The following EPHA6 variants were observed in gnomAD, a reference collection of about 807,000 sequenced individuals.
EPHA6 encodes the protein EPH receptor A6.
A neutral mutation model predicts 112.0 loss-of-function variants in EPHA6; 50 were observed. The ratio of observed to expected loss-of-function variants is 0.45; its 90% CI spans 0.36 to 0.56. The LOEUF (loss-of-function observed/expected upper bound fraction) is 0.56. EPHA6 is among the 20% of genes least tolerant of loss of function. The probability of loss-of-function intolerance (pLI) is 0.00; values close to 1 mark genes in which losing one functional copy is unlikely to be tolerated. For synonymous variants in EPHA6, 529 were observed against 490.7 expected, an observed-to-expected ratio of 1.08 and a Z score of -1.03; for missense variants, 1,280 against 1,417.4, an observed-to-expected ratio of 0.90 and a Z score of 1.56.
At chr3:97,161,470 T>G (rs973570529) in intron 3 of EPHA6, among the ~76,000 whole-genome samples, 1 of 152,204 alleles carries the variant, frequency 6.6e-6, no homozygotes, top group Non-Finnish European at 1.5e-5. Flanking sequence ...CACAGCAATC[T>G]GGATCTGTTG....
intron 3 of EPHA6, among the ~76,000 whole-genome samples, chr3:97,102,777 C>G (rs190976196): frequency 2.6e-5 from 4 of 152,124 alleles, no homozygotes; most frequent in African/African-American, 9.6e-5. Context: ...ACAACCTTGC[C>G]AGCATCTGTT....
chr3:97,686,942 G>T (rs1656595874), intron 14 of EPHA6, among the ~76,000 whole-genome samples: 1 of 152,132 alleles, frequency 6.6e-6, no homozygotes, highest in Non-Finnish European at 1.5e-5. Context: ...TTTGTGGGGG[G>T]AAATTCTTTC....
intron 5 of EPHA6, among the ~76,000 whole-genome samples, chr3:97,386,170 G>A (rs1231314424): frequency 6.6e-6 from 1 of 152,144 alleles, no homozygotes; most frequent in Non-Finnish European, 1.5e-5. Context: ...CCACCTATGA[G>A]CCTGAGAAAT....
At chr3:97,090,914 C>T (rs374265515) in intron 3 of EPHA6, among the ~76,000 whole-genome samples, 2 of 151,938 alleles carry the variant, frequency 1.3e-5, no homozygotes, top group African/African-American at 2.4e-5. Context: ...GAAAAATTTA[C>T]GAATATATGT....
intron 6 of EPHA6, among the ~76,000 whole-genome samples, chr3:97,418,906 G>A (rs540065278): frequency 2.4e-4 from 36 of 152,316 alleles, no homozygotes; most frequent in African/African-American, 8.2e-4. Flanking sequence ...ACATAGCATA[G>A]AGTGTGGCAT....
chr3:97,493,307 C>T (rs1257765849), intron 10 of EPHA6, among the ~76,000 whole-genome samples: 1 of 151,556 alleles, frequency 6.6e-6, no homozygotes, highest in Non-Finnish European at 1.5e-5. Context: ...AACAAAATAT[C>T]ACAGATTGGG....
intron 6 of EPHA6, among the ~76,000 whole-genome samples, chr3:97,441,824 AT>A (rs2090147683): frequency 6.6e-6 from 1 of 152,108 alleles, no homozygotes; most frequent in African/African-American, 2.4e-5. Flanking sequence ...TAATTCTAAA[AT>A]TTTTTTAAGT....
intron 13 of EPHA6, among the ~76,000 whole-genome samples, chr3:97,615,841 G>T (rs1217922869): frequency 6.6e-6 from 1 of 152,170 alleles, no homozygotes; most frequent in African/African-American, 2.4e-5. Flanking sequence ...GGTATGGAGA[G>T]CCCAGAAAGG....
intron 4 of EPHA6, among the ~76,000 whole-genome samples, chr3:97,229,906 T>A (rs2078473683): frequency 6.6e-6 from 1 of 152,264 alleles, no homozygotes; most frequent in Non-Finnish European, 1.5e-5. Flanking sequence ...GAACATATTT[T>A]AAATTTATAA....
intron 3 of EPHA6, among the ~76,000 whole-genome samples, chr3:97,085,686 A>G (rs1407279349): frequency 6.6e-6 from 1 of 152,016 alleles, no homozygotes; most frequent in African/African-American, 2.4e-5. Context: ...GTATGAGGTA[A>G]ATTTTGCTGC....
chr3:97,409,233 C>G (rs2087552838), intron 6 of EPHA6, among the ~76,000 whole-genome samples: 1 of 152,074 alleles, frequency 6.6e-6, no homozygotes, highest in Non-Finnish European at 1.5e-5. Flanking sequence ...AGAATGTAAG[C>G]TCTTGAGGGC....
chr3:97,587,111 C>T (rs2093497290), intron 11 of EPHA6, among the ~76,000 whole-genome samples: 1 of 151,986 alleles, frequency 6.6e-6, no homozygotes, highest in South Asian at 2.1e-4. Flanking sequence ...GACATGGCGG[C>T]GGGCACCTGT....
At chr3:96,892,841 G>T (rs2038043096) in intron 2 of EPHA6, among the ~76,000 whole-genome samples, 1 of 151,608 alleles carries the variant, frequency 6.6e-6, no homozygotes, top group African/African-American at 2.4e-5. Flanking sequence ...TTTCTTGTAG[G>T]TAAATAAGGA....
At chr3:97,209,014 A>G (rs1415470821) in intron 3 of EPHA6, among the ~76,000 whole-genome samples, 1 of 152,178 alleles carries the variant, frequency 6.6e-6, no homozygotes, top group Non-Finnish European at 1.5e-5. Flanking sequence ...CTGTTATTCT[A>G]TAATATTCTC....
chr3:97,111,199 T>C (rs1396093540), intron 3 of EPHA6, among the ~76,000 whole-genome samples: 2 of 152,142 alleles, frequency 1.3e-5, no homozygotes, highest in Non-Finnish European at 2.9e-5. Context: ...ACAACAACAG[T>C]AATTAACTTA....
intron 3 of EPHA6, among the ~76,000 whole-genome samples, chr3:97,085,149 A>T (rs1031252717): frequency 5.3e-5 from 8 of 152,178 alleles, no homozygotes; most frequent in Non-Finnish European, 1.0e-4. Context: ...TAATATCATC[A>T]ATTAAATAAA....
intron 1 of EPHA6, among the ~76,000 whole-genome samples, chr3:96,815,893 A>G (rs1337584451): frequency 6.6e-6 from 1 of 152,208 alleles, no homozygotes; most frequent in Non-Finnish European, 1.5e-5. Context: ...TGAAACAACC[A>G]TAAAAGTTTC....
intron 1 of EPHA6, among the ~76,000 whole-genome samples, chr3:96,853,979 A>G (rs1443399342): frequency 6.6e-6 from 1 of 152,010 alleles, no homozygotes; most frequent in Admixed American, 6.6e-5. Context: ...TTGCTTTATA[A>G]GAACTCTTCA....
At chr3:96,990,052 T>C (rs902800874) in intron 3 of EPHA6, among the ~76,000 whole-genome samples, 1 of 152,202 alleles carries the variant, frequency 6.6e-6, no homozygotes, top group Non-Finnish European at 1.5e-5. Flanking sequence ...AGTTTTACCA[T>C]ATTTTAAATT....
Sources: gnomAD v4.1 joint callset for allele counts (sites outside exome capture counted in the v4.1 genomes callset) on GRCh38, gnomAD v4.1.1 for gene constraint, MANE v1.5 for transcripts, NCBI Gene and HGNC (gene_info 2026-07-23, HGNC 2026-07-21) for gene names.